The following PARP4 variants were observed in gnomAD, a reference collection of about 807,000 sequenced individuals.
PARP4 encodes poly(ADP-ribose) polymerase family member 4, also known as protein mono-ADP-ribosyltransferase PARP4.
PARP4 carries 120 observed loss-of-function variants against 187.7 expected under a neutral mutation model. The ratio of observed to expected loss-of-function variants is 0.64; its 90% CI spans 0.55 to 0.74. The LOEUF is 0.74. Among genes scored for constraint, PARP4 ranks in the 30% least tolerant of loss-of-function variants. PARP4 has a pLI of 0.00. For synonymous variants in PARP4, 654 were observed against 740.9 expected, an observed-to-expected ratio of 0.88 and a Z score of 1.90; for missense variants, 1,836 against 2,070.5, an observed-to-expected ratio of 0.89 and a Z score of 2.20.
chr13:24,444,702 G>T (rs374852728), intron 27 of PARP4, among the ~76,000 whole-genome samples: 3 of 152,140 alleles, frequency 2.0e-5, no homozygotes, highest in African/African-American at 7.2e-5. Context: ...CCCCAAAAGA[G>T]ACTTCTTTGG....
intron 20 of PARP4, 140 bp from the exon 21 acceptor site, chr13:24,456,618 A>C (rs1266443834): frequency 5.7e-6 from 4 of 696,400 alleles, no homozygotes. Context: ...GTAAATTCCA[A>C]AATAATGAAA....
chr13:24,453,831 C>T (rs1871665412), intron 22 of PARP4, among the ~76,000 whole-genome samples, 177 bp from the exon 23 acceptor site: 1 of 152,064 alleles, frequency 6.6e-6, no homozygotes, highest in Admixed American at 6.5e-5. Context: ...AGATTGTCCA[C>T]AGGCCAGGCA....
Position 24,486,224 on chromosome 13 carries a change from A to C in PARP4, c.1296T>G (p.Asn432Lys). 1 of 1,613,992 alleles carries C rather than the reference A, an allele frequency of 6.2e-7. No homozygotes were observed. Residue 432 changes from asparagine to lysine, a missense_variant, in exon 11 of 34, where the codon AAT (asparagine) becomes AAG (lysine). By Grantham distance (94) the Asn-to-Lys change is moderately conservative. Around this residue, in one of 8 missense-constraint regions of PARP4, gnomAD observed 1,147 missense variants for 1,214.2 expected, o/e 0.94. Transcript: ENST00000381989. ...ETTEFLSKLGNVRPLLHGSPV... is the reference protein window; with the variant it reads ...ETTEFLSKLGKVRPLLHGSPV... ...GAGAACCATGCAACAAGGGCCTCAC[A>C]TTACCAAGTTTGCTCAAAAACTCTG... is the stretch of plus-strand genomic sequence containing the variant.
At chr13:24,464,425 G>A (rs1872354514) in intron 17 of PARP4, among the ~76,000 whole-genome samples, 1 of 152,142 alleles carries the variant, frequency 6.6e-6, no homozygotes, top group Non-Finnish European at 1.5e-5. Flanking sequence ...AATCAAAACA[G>A]CATGGTACTG....
intron 11 of PARP4, 21 bp from the exon 12 acceptor site, chr13:24,484,769 T>C: frequency 7.0e-7 from 1 of 1,434,032 alleles, no homozygotes; most frequent in Non-Finnish European, 9.8e-7. Context: ...AAGGGCAGGA[T>C]AAGGTGTAAG....
chr13:24,469,401 A>G (rs981705312), intron 16 of PARP4, among the ~76,000 whole-genome samples: 3 of 152,212 alleles, frequency 2.0e-5, no homozygotes, highest in Admixed American at 6.5e-5. Context: ...CATAATAATT[A>G]CTTTAAATTT....
At chr13:24,446,952 C>G in intron 26 of PARP4, 64 bp downstream of exon 26, 1 of 1,528,178 alleles carries the variant, frequency 6.5e-7, no homozygotes, top group African/African-American at 1.4e-5. Context: ...GGGAAGAAGA[C>G]AGAAAAAAAA....
chr13:24,453,772 G>T, intron 22 of PARP4, 118 bp from the exon 23 acceptor site: 1 of 647,950 alleles, frequency 1.5e-6, no homozygotes, highest in South Asian at 1.9e-5. Flanking sequence ...ATATATTTAT[G>T]TGTGTACCTT....
chr13:24,501,572 C>T, intron 3 of PARP4, 61 bp downstream of exon 3: 1 of 1,157,522 alleles, frequency 8.6e-7, no homozygotes, highest in South Asian at 1.3e-5. Context: ...GTATCTTTGA[C>T]AAACCCAAGC....
intron 33 of PARP4, among the ~76,000 whole-genome samples, chr13:24,425,568 T>TATAC (rs1869999448): frequency 1.3e-5 from 1 of 79,198 alleles, no homozygotes; most frequent in Admixed American, 1.1e-4. Flanking sequence ...TGTGTGTGTG[T>TATAC]GTATATCTAT....
In PARP4 at chr13:24,493,749, A is replaced by G. The variant is rs1039174204; in HGVS notation, c.742-16T>C. 1.9e-6 allele frequency: 3 copies of G among 1,612,846 alleles called. No individual in the cohort carries two copies. In the African/African-American group the frequency reaches 4.0e-5, roughly 22 times the overall value. The stretch of plus-strand genomic sequence containing the variant: ...CCAAAAGCAACTACAATAATAAAAT[A>G]GAAATGCCACCAAAAAGTCATCATG... On this transcript the variant is annotated splice_polypyrimidine_tract_variant and intron_variant, in intron 7 of 33. Coordinates refer to ENST00000381989, the MANE Select transcript of PARP4 (RefSeq NM_006437.4).
intron 10 of PARP4, among the ~76,000 whole-genome samples, chr13:24,489,700 A>C (rs73154357): frequency 0.11 from 16,568 of 152,232 alleles, 979 homozygotes; most frequent in African/African-American, 0.12. Flanking sequence ...TGAGAATGAT[A>C]AAGGAAAGTA....
At chr13:24,444,348 C>CTT (rs1479093122) in intron 27 of PARP4, among the ~76,000 whole-genome samples, 26 of 152,308 alleles carry the variant, frequency 1.7e-4, no homozygotes, top group Non-Finnish European at 3.5e-4. Flanking sequence ...TAAAAATATA[C>CTT]TTTTAATTTA....
At chr13:24,457,245 G>A (rs561699474) in intron 20 of PARP4, among the ~76,000 whole-genome samples, 1 of 152,274 alleles carries the variant, frequency 6.6e-6, no homozygotes, top group African/African-American at 2.4e-5. Context: ...CAAAGGCAAA[G>A]GCATGTGCTA....
At chr13:24,489,798 T>TA (rs1451312791) in intron 10 of PARP4, among the ~76,000 whole-genome samples, 2 of 152,120 alleles carry the variant, frequency 1.3e-5, no homozygotes, top group Non-Finnish European at 2.9e-5. Context: ...ACCAGCTCTC[T>TA]AAACAACAGC....
At chr13:24,486,114 C>A in intron 11 of PARP4, 54 bp downstream of exon 11, 1 of 1,508,814 alleles carries the variant, frequency 6.6e-7, no homozygotes, top group Non-Finnish European at 9.0e-7. Context: ...AGAAGTAAAA[C>A]ACTTCACATT....
Position 24,460,014 on chromosome 13 carries a change from T to TA in PARP4, c.2255dup (p.Ala753SerfsTer11). 2 of 1,614,160 alleles carry TA rather than the reference T, an allele frequency of 1.2e-6. No individual in the cohort carries two copies. Among genetic ancestry groups the TA allele is most frequent in the South Asian group, 2.2e-5 (2 of 91,086 alleles). On this transcript the variant is annotated frameshift_variant, in exon 18 of 34. Coordinates refer to ENST00000381989, the MANE Select transcript of PARP4 (RefSeq NM_006437.4). LOFTEE classifies it high-confidence loss of function. ...AAGCCTTGTCCTGTTGCCAGGGTGCTACGGTGGCGGGCATGAAAAAGACAC... is the reference window on the plus strand; with the variant it reads ...AAGCCTTGTCCTGTTGCCAGGGTGCTAACGGTGGCGGGCATGAAAAAGACAC...
intron 8 of PARP4, 28 bp from the exon 9 acceptor site, chr13:24,492,622 C>A: frequency 6.4e-7 from 1 of 1,566,880 alleles, no homozygotes; most frequent in Non-Finnish European, 8.7e-7. Flanking sequence ...ATGCTTATTA[C>A]AATGAAATCT....
chr13:24,441,897 G>A lies in PARP4; in HGVS notation c.3615C>T (p.Phe1205=), dbSNP rs748453095. The change falls in exon 30 of 34, where the codon TTC becomes TTT. Residue 1205 remains phenylalanine, a synonymous_variant. Coordinates refer to ENST00000381989, the MANE Select transcript of PARP4 (RefSeq NM_006437.4). ...SELIAKEDVD[F]LPYMSWQGEP... is the part of the protein sequence containing the mutation. Reference sequence around the variant, plus strand: ...CCCCCTGCCAGCTCATGTAGGGCAGGAAGTCTACATCTTCTTTGGCAATAA... The same window carrying A: ...CCCCCTGCCAGCTCATGTAGGGCAGAAAGTCTACATCTTCTTTGGCAATAA... The A allele has an allele frequency of 6.2e-7, 1 of 1,609,754 alleles. No homozygotes were observed. The highest frequency in any genetic ancestry group is 8.5e-7 in the Non-Finnish European group (1 of 1,177,932).
Sources: gnomAD v4.1 joint callset for allele counts (sites outside exome capture counted in the v4.1 genomes callset) on GRCh38, gnomAD v4.1.1 for gene constraint, gnomAD v4.1.1 regional missense constraint, MANE v1.5 for transcripts, NCBI Gene and HGNC (gene_info 2026-07-23, HGNC 2026-07-21) for gene names.